KCNMA1: variants seen among roughly 807,000 people sequenced by gnomAD.
KCNMA1 encodes Calcium-activated potassium channel subunit alpha-1.
A neutral mutation model predicts 140.0 loss-of-function variants in KCNMA1; 29 were observed. The observed-to-expected ratio is 0.21, with a 90% confidence interval of 0.15 to 0.28. KCNMA1 has a LOEUF of 0.28. Among genes scored for constraint, KCNMA1 ranks in the 10% least tolerant of loss-of-function variants. KCNMA1 has a pLI of 1.00. For synonymous variants in KCNMA1, 612 were observed against 611.9 expected, an observed-to-expected ratio of 1.00 and a Z score of 0.00; for missense variants, 880 against 1,602.2, an observed-to-expected ratio of 0.55 and a Z score of 7.70.
intron 13 of KCNMA1, among the ~76,000 whole-genome samples, chr10:77,078,225 T>C (rs1481878484): frequency 1.3e-5 from 2 of 152,242 alleles, no homozygotes; most frequent in South Asian, 2.1e-4. Context: ...CGAGTTATTC[T>C]GTACAGACAG....
chr10:76,949,599 A>G, intron 21 of KCNMA1: 1 of 561,872 alleles, frequency 1.8e-6, no homozygotes, highest in Non-Finnish European at 3.2e-6. Context: ...AGCCATACAC[A>G]TTGCTACCTT....
intron 23 of KCNMA1, among the ~76,000 whole-genome samples, chr10:76,915,514 T>G (rs188393679): frequency 6.6e-6 from 1 of 152,294 alleles, no homozygotes; most frequent in Non-Finnish European, 1.5e-5. Context: ...ACTATGGAGA[T>G]GAAGGCTAGA....
intron 14 of KCNMA1, among the ~76,000 whole-genome samples, chr10:77,047,321 T>C (rs940978786): frequency 6.6e-6 from 1 of 152,212 alleles, no homozygotes; most frequent in African/African-American, 2.4e-5. Context: ...TCAAATGAGA[T>C]TTCTTCCATC....
At chr10:77,446,996 T>G (rs2097540958) in intron 1 of KCNMA1, among the ~76,000 whole-genome samples, 1 of 152,232 alleles carries the variant, frequency 6.6e-6, no homozygotes, top group Non-Finnish European at 1.5e-5. Context: ...AAGCTCTGCA[T>G]GCCATGGAGA....
At chr10:77,538,096 CA>C (rs1210964859) in intron 1 of KCNMA1, among the ~76,000 whole-genome samples, 11 of 151,782 alleles carry the variant, frequency 7.2e-5, no homozygotes, top group South Asian at 4.2e-4. Context: ...CTCTCACATT[CA>C]CATACTCTAC....
At chr10:77,431,955 T>C (rs1286672122) in intron 1 of KCNMA1, among the ~76,000 whole-genome samples, 1 of 151,744 alleles carries the variant, frequency 6.6e-6, no homozygotes, top group African/African-American at 2.4e-5. Flanking sequence ...ATCGTGCCAC[T>C]GCACTCCAGC....
intron 5 of KCNMA1, among the ~76,000 whole-genome samples, chr10:77,121,311 T>G (rs2097587225): frequency 6.6e-6 from 1 of 152,208 alleles, no homozygotes; most frequent in African/African-American, 2.4e-5. Flanking sequence ...GCCAGGTTAA[T>G]GAGACTTTTC....
chr10:77,471,843 A>T (rs2098163116), intron 1 of KCNMA1, among the ~76,000 whole-genome samples: 1 of 151,864 alleles, frequency 6.6e-6, no homozygotes, highest in Non-Finnish European at 1.5e-5. Flanking sequence ...TACACAACGC[A>T]TGTACACACT....
chr10:77,269,052 A>G (rs4980137), intron 2 of KCNMA1, among the ~76,000 whole-genome samples: 35,610 of 152,112 alleles, frequency 0.23, 4,571 homozygotes, highest in Admixed American at 0.3. Flanking sequence ...AGAGTCCCCA[A>G]GTGAAGAACT....
In KCNMA1 at chr10:77,336,211, T is replaced by C. The variant is rs2088908516; in HGVS notation, c.540+67651A>G. On this transcript the variant is annotated intron_variant, in intron 2 of 27. Coordinates refer to ENST00000286628, the MANE Select transcript of KCNMA1 (RefSeq NM_001161352.2). ...TGCTGATATTGACTACGAGACTTGT[T>C]TGGCATCATGACAAGGAAGAAGTGA... Among the ~76,000 whole-genome samples, 6 of 152,228 alleles carry C rather than the reference T, an allele frequency of 3.9e-5. 1 individual carries two copies. The South Asian group carries it at 1.2e-3, about 32-fold the overall frequency.
intron 3 of KCNMA1, among the ~76,000 whole-genome samples, chr10:77,192,703 T>C (rs888937399): frequency 3.9e-5 from 6 of 152,192 alleles, no homozygotes; most frequent in African/African-American, 1.4e-4. Context: ...TAATAGTAAC[T>C]GTTTGTAGAA....
At chr10:77,313,395 G>T (rs748665197) in intron 2 of KCNMA1, among the ~76,000 whole-genome samples, 11 of 152,208 alleles carry the variant, frequency 7.2e-5, no homozygotes, top group Non-Finnish European at 8.8e-5. Flanking sequence ...ACTCACGACA[G>T]AGTCCATGAG....
intron 3 of KCNMA1, among the ~76,000 whole-genome samples, chr10:77,222,836 C>A (rs866913186): frequency 5.3e-5 from 8 of 152,228 alleles, no homozygotes; most frequent in Non-Finnish European, 1.2e-4. Flanking sequence ...TTGCCATTCT[C>A]TACATATCTG....
intron 3 of KCNMA1, among the ~76,000 whole-genome samples, chr10:77,191,035 G>A (rs1021538419): frequency 1.3e-5 from 2 of 152,092 alleles, no homozygotes; most frequent in Non-Finnish European, 2.9e-5. Context: ...TAAAAAAGAT[G>A]ATATCATATG....
chr10:77,188,329 C>A (rs1458166194), intron 3 of KCNMA1, among the ~76,000 whole-genome samples: 2 of 151,966 alleles, frequency 1.3e-5, no homozygotes, highest in African/African-American at 4.8e-5. Flanking sequence ...ACTAGTTCTG[C>A]CTCTGGTAGT....
intron 2 of KCNMA1, among the ~76,000 whole-genome samples, chr10:77,359,823 C>A (rs929700371): frequency 3.9e-5 from 6 of 152,170 alleles, no homozygotes; most frequent in Non-Finnish European, 8.8e-5. Flanking sequence ...AATAAATAAG[C>A]CAATCAATTT....
intron 1 of KCNMA1, among the ~76,000 whole-genome samples, chr10:77,617,020 A>G (rs899196077): frequency 1.3e-5 from 2 of 152,180 alleles, no homozygotes; most frequent in African/African-American, 4.8e-5. Flanking sequence ...ACTATCTAGA[A>G]TGAGAGACGT....
intron 2 of KCNMA1, among the ~76,000 whole-genome samples, chr10:77,319,690 T>A (rs1207421113): frequency 6.6e-6 from 1 of 152,224 alleles, no homozygotes; most frequent in Non-Finnish European, 1.5e-5. Flanking sequence ...CAATGTAACA[T>A]GAGCCACATG....
intron 2 of KCNMA1, among the ~76,000 whole-genome samples, chr10:77,303,067 C>T (rs2076912099): frequency 6.6e-6 from 1 of 152,172 alleles, no homozygotes; most frequent in African/African-American, 2.4e-5. Context: ...ACTAACCTCT[C>T]TGGCCTCAGT....
Sources: gnomAD v4.1 joint callset for allele counts (sites outside exome capture counted in the v4.1 genomes callset) on GRCh38, gnomAD v4.1.1 for gene constraint, MANE v1.5 for transcripts, NCBI Gene and HGNC (gene_info 2026-07-23, HGNC 2026-07-21) for gene names.